The following COG5 variants were observed in gnomAD, a reference collection of about 807,000 sequenced individuals.
COG5 encodes the protein component of oligomeric golgi complex 5, also known as conserved oligomeric Golgi complex subunit 5.
In COG5, 86 loss-of-function variants were observed where a neutral mutation model predicts 110.4. That is an observed-to-expected ratio of 0.78 (90% confidence interval 0.65 to 0.93). The LOEUF (loss-of-function observed/expected upper bound fraction) is 0.93, where lower values mean the gene tolerates loss of function less well. Ranked by LOEUF, COG5 falls within the 40% of genes least tolerant of loss-of-function variation. The pLI, the probability that COG5 is intolerant of heterozygous loss-of-function variation, is 0.00. For synonymous variants in COG5, 360 were observed against 334.6 expected (o/e 1.08, Z -0.83); for missense variants, 1,077 against 987.0 (o/e 1.09, Z -1.22).
chr7:107,468,882 C>G (rs1243548737), intron 6 of COG5, among the ~76,000 whole-genome samples: 1 of 151,860 alleles, frequency 6.6e-6, no homozygotes, highest in Non-Finnish European at 1.5e-5. Flanking sequence ...TCAACAGAGT[C>G]CAGCTGTTTT....
chr7:107,367,034 T>C (rs1409827071), intron 8 of COG5, among the ~76,000 whole-genome samples: 1 of 151,666 alleles, frequency 6.6e-6, no homozygotes, highest in Non-Finnish European at 1.5e-5. Context: ...TTCGGTGTAT[T>C]TTTTTTTAAC....
rs74403189 is a variant in COG5, at chr7:107,361,400, A to G, written c.1026+633T>C. The stretch of plus-strand genomic sequence containing the variant: ...TTCTATTTAAATGTCGTATTTATCA[A>G]AAGTTTTCACCTTATTCTCTAGTGG... On this transcript the variant is annotated intron_variant, in intron 10 of 21. Transcript: ENST00000297135. 5.9e-5 allele frequency among the ~76,000 whole-genome samples: 9 copies of G among 152,290 alleles called. No individual in the cohort carries two copies. The East Asian group carries it at 1.7e-3, about 29-fold the overall frequency.
intron 10 of COG5, among the ~76,000 whole-genome samples, chr7:107,324,790 TG>T (rs1326564619): frequency 1.3e-5 from 2 of 152,226 alleles, no homozygotes; most frequent in African/African-American, 4.8e-5. Flanking sequence ...TCAGGGCCTT[TG>T]TTCTTCATAT....
chr7:107,550,315 C>A (rs1361002991), intron 3 of COG5, among the ~76,000 whole-genome samples: 4 of 133,036 alleles, frequency 3.0e-5, no homozygotes, highest in Non-Finnish European at 6.7e-5. Context: ...AAACCAGTGT[C>A]CCTGATTCCA....
intron 1 of COG5, 152 bp from the exon 2 acceptor site, chr7:107,558,267 C>T: frequency 2.7e-6 from 2 of 747,854 alleles, no homozygotes; most frequent in Non-Finnish European, 4.4e-6. Context: ...TTTATCATGA[C>T]CCTAAAGGAA....
chr7:107,428,747 C>T (rs1292435285), intron 6 of COG5, among the ~76,000 whole-genome samples: 6 of 152,082 alleles, frequency 3.9e-5, no homozygotes, highest in Non-Finnish European at 8.8e-5. Flanking sequence ...AAGCTATAGA[C>T]CAAAAGAGTT....
intron 6 of COG5, among the ~76,000 whole-genome samples, chr7:107,418,761 A>G (rs1233185750): frequency 1.3e-5 from 2 of 151,292 alleles, no homozygotes; most frequent in Non-Finnish European, 1.5e-5. Context: ...ATTTTTATTT[A>G]TTTGTATTTT....
intron 6 of COG5, among the ~76,000 whole-genome samples, chr7:107,508,235 C>G (rs528377847): frequency 6.6e-6 from 1 of 152,328 alleles, no homozygotes; most frequent in African/African-American, 2.4e-5. Flanking sequence ...GGATTATATC[C>G]CGCACCTGGC....
chr7:107,562,213 A>G (rs1205519200), intron 1 of COG5, among the ~76,000 whole-genome samples: 7 of 152,226 alleles, frequency 4.6e-5, no homozygotes, highest in African/African-American at 1.7e-4. Context: ...GAAGATTTAA[A>G]CAATCACTGT....
chr7:107,451,714 A>G (rs1421049544), intron 6 of COG5, among the ~76,000 whole-genome samples: 1 of 152,170 alleles, frequency 6.6e-6, no homozygotes, highest in Non-Finnish European at 1.5e-5. Flanking sequence ...CAATTAATGA[A>G]CATTAAATAT....
At chr7:107,419,733 A>C (rs1584800225) in intron 6 of COG5, among the ~76,000 whole-genome samples, 2 of 152,080 alleles carry the variant, frequency 1.3e-5, no homozygotes, top group African/African-American at 4.8e-5. Flanking sequence ...ATGCCCAGCT[A>C]ATTTTTGTAT....
At chr7:107,519,973 T>G (rs1029935518) in intron 6 of COG5, among the ~76,000 whole-genome samples, 2 of 152,214 alleles carry the variant, frequency 1.3e-5, no homozygotes, top group Non-Finnish European at 2.9e-5. Context: ...ATCCACGGGA[T>G]GCAAGGCTGG....
intron 19 of COG5, among the ~76,000 whole-genome samples, chr7:107,214,360 A>T (rs1428800326): frequency 6.6e-6 from 1 of 152,222 alleles, no homozygotes; most frequent in African/African-American, 2.4e-5. Context: ...AGTGCTGCCA[A>T]CCAAAAAAGC....
intron 6 of COG5, among the ~76,000 whole-genome samples, chr7:107,453,047 C>T (rs1795436123): frequency 6.6e-6 from 1 of 152,188 alleles, no homozygotes; most frequent in African/African-American, 2.4e-5. Context: ...GCATCTTTTA[C>T]TAAACTACAA....
intron 10 of COG5, among the ~76,000 whole-genome samples, chr7:107,351,475 G>A (rs770336531): frequency 1.8e-3 from 268 of 152,184 alleles, no homozygotes; most frequent in Non-Finnish European, 2.7e-3. Context: ...TAATTAAACT[G>A]AAGAGCTTCT....
rs146173857 is a variant in COG5 at position 107,360,693 on chromosome 7, T to A, written c.1026+1340A>T. On this transcript the variant is annotated intron_variant, in intron 10 of 21. Coordinates refer to ENST00000297135, the MANE Select transcript of COG5 (RefSeq NM_006348.5). Reference sequence around the variant, plus strand: ...ATCCAGCTGCAGTCTCACATGGAGCTAGCACCTGTGCTGACACCTGGAGCT... The same window carrying A: ...ATCCAGCTGCAGTCTCACATGGAGCAAGCACCTGTGCTGACACCTGGAGCT... 1.6e-3 allele frequency among the ~76,000 whole-genome samples: 244 copies of A among 152,330 alleles called. 1 individual carries two copies. Among genetic ancestry groups the A allele is most frequent in the African/African-American group, 5.5e-3 (229 of 41,584 alleles).
rs1584541906 is a variant in COG5, at chr7:107,226,027, A to T, written c.2168+4588T>A. On this transcript the variant is annotated intron_variant, in intron 19 of 21. Transcript: ENST00000297135. ...CATTGCACTCCAACCTGGGGGACAA[A>T]AGCGAGACATCATCACACACACACA... Among the ~76,000 whole-genome samples, 7 of 152,138 alleles carry T rather than the reference A, an allele frequency of 4.6e-5. No homozygotes were observed. The South Asian group carries it at 1.4e-3, about 32-fold the overall frequency.
chr7:107,322,033 T>C (rs1366326666), intron 11 of COG5, among the ~76,000 whole-genome samples: 1 of 152,096 alleles, frequency 6.6e-6, no homozygotes, highest in Non-Finnish European at 1.5e-5. Context: ...AGAAATACAA[T>C]AAAAACAGAG....
intron 8 of COG5, among the ~76,000 whole-genome samples, chr7:107,368,299 T>C (rs1813810529): frequency 6.6e-6 from 1 of 152,152 alleles, no homozygotes; most frequent in East Asian, 1.9e-4. Context: ...GAAAGTAAAA[T>C]ACTTTTTATT....
Sources: allele counts gnomAD v4.1 joint callset (sites outside exome capture counted in the v4.1 genomes callset), GRCh38; gene constraint gnomAD v4.1.1; transcripts MANE v1.5; gene names NCBI Gene and HGNC (gene_info 2026-07-23, HGNC 2026-07-21).